The following LYRM4 variants were observed in gnomAD, a reference collection of about 807,000 sequenced individuals.
LYRM4 encodes the protein LYR motif containing 4.
LYRM4 carries 9 observed loss-of-function variants against 11.7 expected under a neutral mutation model. The observed-to-expected ratio is 0.77, with a 90% CI of 0.46 to 1.34. LYRM4 has a LOEUF of 1.34. Among genes scored for constraint, LYRM4 ranks in the 40% most tolerant of loss-of-function variants. The pLI is 0.00. For missense variants in LYRM4, 133 were observed against 112.5 expected, an observed-to-expected ratio of 1.18 and a Z score of -0.82; for synonymous variants, 42 against 40.4, an observed-to-expected ratio of 1.04 and a Z score of -0.15.
At chr6:5,247,234 G>A (rs1764236455) in intron 1 of LYRM4, among the ~76,000 whole-genome samples, 5 of 152,180 alleles carry the variant, frequency 3.3e-5, no homozygotes, top group Admixed American at 2.6e-4. Flanking sequence ...GTCCCCCCAA[G>A]TCCAGAGGCC....
At chr6:5,085,272 G>T in the LYRM4 span, 8 of 494,578 alleles carry the variant, frequency 1.6e-5, 1 homozygote, top group East Asian at 3.5e-5. Flanking sequence ...CCGGCCCCAG[G>T]CCCGCATCCT....
At chr6:5,245,427 G>A (rs1764153076) in intron 1 of LYRM4, among the ~76,000 whole-genome samples, 1 of 151,870 alleles carries the variant, frequency 6.6e-6, no homozygotes, top group South Asian at 2.1e-4. Context: ...CTGTCACTGT[G>A]GAAACAGTTA....
chr6:5,121,600 C>T (rs144842106), intron 2 of LYRM4, among the ~76,000 whole-genome samples: 11 of 152,142 alleles, frequency 7.2e-5, no homozygotes, highest in Admixed American at 2.0e-4. Context: ...TCAGCACTGC[C>T]GCAACTGTCA....
chr6:5,094,445 C>T, the LYRM4 span, among the ~76,000 whole-genome samples: 1 of 152,222 alleles, frequency 6.6e-6, no homozygotes, highest in Non-Finnish European at 1.5e-5. Context: ...GATGGCACCA[C>T]TGGACTCCAG....
At chr6:5,036,356 C>CA in the LYRM4 span, among the ~76,000 whole-genome samples, 1 of 152,212 alleles carries the variant, frequency 6.6e-6, no homozygotes, top group African/African-American at 2.4e-5. Flanking sequence ...AGGGAAAAAA[C>CA]AGAGAGCGCC....
the LYRM4 span, among the ~76,000 whole-genome samples, chr6:5,043,914 C>T: frequency 2.0e-5 from 3 of 152,156 alleles, no homozygotes; most frequent in African/African-American, 7.2e-5. Flanking sequence ...GTTTACTTTG[C>T]CTTCCTGTTT....
chr6:5,208,296 C>G (rs1012127338), intron 2 of LYRM4, among the ~76,000 whole-genome samples: 2 of 152,234 alleles, frequency 1.3e-5, no homozygotes. Context: ...AAAATATCAT[C>G]TGAGCTGAGA....
chr6:5,144,377 C>T, intron 2 of LYRM4: 1 of 1,190,866 alleles, frequency 8.4e-7, no homozygotes, highest in African/African-American at 1.5e-5. Context: ...GTGGCTGAAG[C>T]CTGTAATTCC....
intron 1 of LYRM4, among the ~76,000 whole-genome samples, chr6:5,232,536 T>C (rs1362542276): frequency 6.6e-6 from 1 of 152,232 alleles, no homozygotes; most frequent in Non-Finnish European, 1.5e-5. Context: ...CATTCACATA[T>C]CTCACTGGAG....
At chr6:5,120,522 G>A (rs990647370) in intron 2 of LYRM4, among the ~76,000 whole-genome samples, 20 of 152,190 alleles carry the variant, frequency 1.3e-4, no homozygotes, top group South Asian at 6.2e-4. Flanking sequence ...TGTGGAGAGC[G>A]AAGGAACAAA....
At chr6:5,086,121 T>G in the LYRM4 span, 13 of 1,471,476 alleles carry the variant, frequency 8.8e-6, no homozygotes, top group Middle Eastern at 3.9e-4. Flanking sequence ...CGGCCGAGCG[T>G]CTGCAGCGGC....
At chr6:5,143,060 C>T (rs1757496416) in intron 2 of LYRM4, among the ~76,000 whole-genome samples, 1 of 152,208 alleles carries the variant, frequency 6.6e-6, no homozygotes, top group African/African-American at 2.4e-5. Context: ...AGTTGGGATG[C>T]CACATGTATT....
intron 2 of LYRM4, among the ~76,000 whole-genome samples, chr6:5,185,986 C>A (rs1053491433): frequency 3.3e-5 from 5 of 152,096 alleles, no homozygotes; most frequent in African/African-American, 1.2e-4. Context: ...AATGGTCAGA[C>A]GCTTTGGACA....
At position 5,148,475 on chromosome 6, in the gene LYRM4, G is replaced by T. The variant is rs1414169125; in HGVS notation, c.208-38984C>A. Among the ~76,000 whole-genome samples the T allele has an allele frequency of 7.1e-3, 1,085 of 152,094 alleles. 15 individuals carry two copies. The highest frequency in any genetic ancestry group is 0.025 in the African/African-American group (1,024 of 41,442). ...AATCGTAATCCTGAGCTGGGCTGAG[G>T]GGGCAGAGTTAGAACTCTGTATCGT... On this transcript the variant is annotated intron_variant, in intron 2 of 2. Coordinates refer to ENST00000330636, the MANE Select transcript of LYRM4 (RefSeq NM_020408.6).
At chr6:5,222,337 C>G (rs1428893623) in intron 1 of LYRM4, among the ~76,000 whole-genome samples, 2 of 152,104 alleles carry the variant, frequency 1.3e-5, no homozygotes, top group African/African-American at 4.8e-5. Context: ...AAGATTCAAA[C>G]AACTTTTAGA....
At chr6:5,099,393 C>CTATG (rs1285127388), downstream of LYRM4, among the ~76,000 whole-genome samples, 1 of 149,202 alleles carries the variant, frequency 6.7e-6, no homozygotes, top group Admixed American at 6.7e-5. The surrounding 1 kb of genome is among the most constrained non-coding windows in gnomAD (Gnocchi z 4.3). Context: ...ATCTATTTCT[C>CTATG]TATCTATCTA....
chr6:5,185,987 G>A (rs893440382), intron 2 of LYRM4, among the ~76,000 whole-genome samples: 2 of 152,190 alleles, frequency 1.3e-5, no homozygotes, highest in South Asian at 4.1e-4. Flanking sequence ...ATGGTCAGAC[G>A]CTTTGGACAG....
At chr6:5,118,525 C>T (rs572572722) in intron 2 of LYRM4, among the ~76,000 whole-genome samples, 1 of 152,288 alleles carries the variant, frequency 6.6e-6, no homozygotes, top group African/African-American at 2.4e-5. Flanking sequence ...ATCTGTGGCC[C>T]TCCTCTGGCT....
chr6:5,085,182 G>A, the LYRM4 span: 1 of 411,110 alleles, frequency 2.4e-6, no homozygotes, highest in Non-Finnish European at 4.3e-6. Context: ...GCTTCCAGGT[G>A]TCCCAGCGGC....
Sources: allele counts gnomAD v4.1 joint callset (sites outside exome capture counted in the v4.1 genomes callset), GRCh38; gene constraint gnomAD v4.1.1; non-coding constraint Gnocchi (gnomAD v3.1); transcripts MANE v1.5; gene names NCBI Gene and HGNC (gene_info 2026-07-23, HGNC 2026-07-21).